EPS8L1: variants seen among roughly 807,000 people sequenced by gnomAD.
The protein encoded by EPS8L1 is epidermal growth factor receptor kinase substrate 8-like protein 1.
In EPS8L1, 101 loss-of-function variants were observed where a neutral mutation model predicts 91.7. The observed-to-expected ratio is 1.10, with a 90% CI of 0.94 to 1.30. The LOEUF (loss-of-function observed/expected upper bound fraction) is 1.30, where lower values mean the gene tolerates loss of function less well. EPS8L1 is among the 50% of genes most tolerant of loss of function. The pLI, the probability that EPS8L1 is intolerant of heterozygous loss-of-function variation, is 0.00. For synonymous variants in EPS8L1, 506 were observed against 445.3 expected, an observed-to-expected ratio of 1.14 and a Z score of -1.72; for missense variants, 1,114 against 1,017.0, an observed-to-expected ratio of 1.10 and a Z score of -1.30.
chr19:55,077,867 G>A (rs887802896), intron 2 of EPS8L1, among the ~76,000 whole-genome samples: 8 of 150,514 alleles, frequency 5.3e-5, no homozygotes, highest in Admixed American at 2.0e-4. Flanking sequence ...GATTACAGGC[G>A]TGAGCCACCG....
chr19:55,086,515 A>G lies in EPS8L1; in HGVS notation c.1774A>G (p.Lys592Glu). The G allele has an allele frequency of 6.4e-7, 1 of 1,551,086 alleles. No individual in the cohort carries two copies. Among genetic ancestry groups the G allele is most frequent in the South Asian group, 1.2e-5 (1 of 84,024 alleles). Residue 592 changes from lysine (K) to glutamate (E), a missense_variant, in exon 17 of 20, where the codon AAG becomes GAG. Coordinates refer to ENST00000201647, the MANE Select transcript of EPS8L1 (RefSeq NM_133180.3). ...DSLNGLDPSE[K>E]EKFSQMLIVN... Reference sequence around the variant, plus strand: ...CCTCAACGGCTTGGACCCCAGCGAGAAGGGTGAGTGGTGGGGACGCCGGCT... The same window carrying G: ...CCTCAACGGCTTGGACCCCAGCGAGGAGGGTGAGTGGTGGGGACGCCGGCT...
rs765855292 is a variant in EPS8L1, at chr19:55,080,796, CA to C, written c.455del (p.Gln152ArgfsTer48). 2.7e-5 allele frequency: 44 copies of C among 1,611,574 alleles called. No individual in the cohort carries two copies. The highest frequency in any genetic ancestry group is 3.4e-5 in the Non-Finnish European group (40 of 1,179,110). On this transcript the variant is annotated frameshift_variant, in exon 7 of 20. Coordinates refer to ENST00000201647, the MANE Select transcript of EPS8L1 (RefSeq NM_133180.3). LOFTEE classifies it high-confidence loss of function. ...GGCGGAGCTGATCCGAGAGGACATC[CA>C]GGGGGCTCTGCACAATTACCGCTCG... is the stretch of plus-strand genomic sequence containing the variant. ...LGAELIREDI[Q>X]GALHNYRSGR... is the part of the protein sequence containing the mutation.
intron 6 of EPS8L1, 133 bp from the exon 7 acceptor site, chr19:55,080,639 C>T: frequency 6.4e-7 from 1 of 1,559,562 alleles, no homozygotes; most frequent in African/African-American, 1.4e-5. Context: ...GGGGCGTGGA[C>T]GTGCGTGGGT....
In EPS8L1 at chr19:55,087,688, G is replaced by T. The variant is rs952750973; in HGVS notation, c.*74G>T. ...GACTCCTCAGACTCTCCCCAATAGC[G>T]GAAGTCGATCTTCTGAAGGATGGCC... On this transcript the variant is annotated 3_prime_UTR_variant, in exon 20 of 20. Coordinates refer to ENST00000201647, the MANE Select transcript of EPS8L1 (RefSeq NM_133180.3). The T allele has an allele frequency of 2.7e-5, 40 of 1,494,284 alleles. No homozygotes were observed. Among genetic ancestry groups the T allele is most frequent in the Non-Finnish European group, 3.7e-5 (40 of 1,083,334 alleles). The allele number at this position is 1,494,284 out of a possible 1,614,324, so 92.6% of individuals were successfully genotyped here.
At chr19:55,080,307 G>A (rs755631732) in intron 6 of EPS8L1, 29 bp downstream of exon 6, 68 of 1,537,654 alleles carry the variant, frequency 4.4e-5, no homozygotes, top group Non-Finnish European at 5.5e-5. Context: ...TCTGGGGGTG[G>A]AGCTGGAACT....
intron 12 of EPS8L1, 21 bp downstream of exon 12, chr19:55,082,623 G>T: frequency 1.3e-6 from 2 of 1,546,412 alleles, no homozygotes; most frequent in Non-Finnish European, 1.7e-6. Flanking sequence ...GGGCTGGGAG[G>T]CAGGGGGCAT....
rs780850948 is a variant in EPS8L1, at chr19:55,087,330, C to T, written c.1980C>T (p.Thr660=). The change falls in exon 19 of 20, where the codon ACC becomes ACT. Residue 660 remains threonine (T), a synonymous_variant. Transcript: ENST00000201647. ...SGTVDALGVL[T]GAQLFSLQKE... ...CCGTGGACGCGCTGGGTGTGCTGAC[C>T]GGGGCGCAGCTTTTCTCGCTGCAGA... is the stretch of plus-strand genomic sequence containing the variant. The T allele has an allele frequency of 1.6e-5, 25 of 1,611,032 alleles. No individual in the cohort carries two copies. The highest frequency in any genetic ancestry group is 4.0e-5 in the African/African-American group (3 of 74,860).
Position 55,079,790 on chromosome 19 carries a change from C to T in EPS8L1, c.218C>T (p.Ala73Val), listed in dbSNP as rs141351977. The change falls in exon 5 of 20, where the codon GCA becomes GTA. Residue 73 changes from alanine to valine, a missense_variant. Ala to Val is a moderately conservative substitution (Grantham distance 64, BLOSUM62 0). Coordinates refer to ENST00000201647, the MANE Select transcript of EPS8L1 (RefSeq NM_133180.3). ...AVMDSQGRVWAQEMLLRVSPD... is the reference protein window; with the variant it reads ...AVMDSQGRVWVQEMLLRVSPD... Reference sequence around the variant, plus strand: ...ATGGATAGCCAGGGCCGAGTCTGGGCACAGGAGATGCTGCTGCGAGTGTCT... The same window carrying T: ...ATGGATAGCCAGGGCCGAGTCTGGGTACAGGAGATGCTGCTGCGAGTGTCT... 154 of 1,614,108 alleles carry T rather than the reference C, an allele frequency of 9.5e-5. No individual in the cohort carries two copies. The highest frequency in any genetic ancestry group is 9.5e-4 in the African/African-American group (71 of 75,044).
In EPS8L1 at chr19:55,081,842, G is replaced by A; in HGVS notation, c.844G>A (p.Ala282Thr). ...GAGGCTGCAGAAGTCGGCGGAGGCG[G>A]CCAGGGTGCTGGAGCACCGGGAACG... ...VSRLQKSAEA[A>T]RVLEHRERGR... The change falls in exon 9 of 20, where the codon GCC (alanine) becomes ACC (threonine). Residue 282 changes from alanine to threonine, a missense_variant. Ala to Thr is a moderately conservative substitution (Grantham distance 58). Transcript: ENST00000201647. The surrounding 1 kb of genome is among the most constrained non-coding windows in gnomAD (Gnocchi z 4.9). 2 of 1,612,372 alleles carry A rather than the reference G, an allele frequency of 1.2e-6. No homozygotes were observed. The highest frequency in any genetic ancestry group is 1.1e-5 in the South Asian group (1 of 91,034).
At chr19:55,076,952 A>G (rs2076145246) in intron 2 of EPS8L1, among the ~76,000 whole-genome samples, 1 of 152,214 alleles carries the variant, frequency 6.6e-6, no homozygotes, top group Non-Finnish European at 1.5e-5. Context: ...GAGAAAAACA[A>G]TGAGAGATGA....
chr19:55,083,559 C>CG lies in EPS8L1; in HGVS notation c.1356+45dup. On this transcript the variant is annotated intron_variant, in intron 13 of 19. Transcript: ENST00000201647. This position sits in a 1 kb window ranked among gnomAD's most constrained non-coding sequence, Gnocchi z 4.7. ...ACAGCAGGGCCGAGGCTGGGAAGTC[C>CG]GGGGGCGCGGCCGGTCCGCCTGGCC... 3 of 1,597,484 alleles carry CG rather than the reference C, an allele frequency of 1.9e-6. No individual in the cohort carries two copies. The highest frequency in any genetic ancestry group is 2.6e-6 in the Non-Finnish European group (3 of 1,172,198).
rs746078283 is a variant in EPS8L1, at chr19:55,086,203, G to A, written c.1650+11G>A. ...CCTGCCCGCAGCCTGGTGAGCCAGCGCAGACGCTGGGATCTTGAGGGTGGA... is the reference window on the plus strand; with the variant it reads ...CCTGCCCGCAGCCTGGTGAGCCAGCACAGACGCTGGGATCTTGAGGGTGGA... On this transcript the variant is annotated intron_variant, in intron 16 of 19. Coordinates refer to ENST00000201647, the MANE Select transcript of EPS8L1 (RefSeq NM_133180.3). The A allele has an allele frequency of 1.3e-4, 200 of 1,592,300 alleles. No homozygotes were observed. Among genetic ancestry groups the A allele is most frequent in the Non-Finnish European group, 1.4e-4 (168 of 1,168,908 alleles).
intron 14 of EPS8L1, among the ~76,000 whole-genome samples, chr19:55,084,986 A>G (rs1320875427): frequency 6.6e-6 from 1 of 151,972 alleles, no homozygotes; most frequent in African/African-American, 2.4e-5. Context: ...TGACCTTTAC[A>G]TCCCTGTGCC....
At chr19:55,087,094 A>T in intron 18 of EPS8L1, 1 of 1,059,826 alleles carries the variant, frequency 9.4e-7, no homozygotes, top group South Asian at 1.7e-5. Flanking sequence ...TCCTTAGGGA[A>T]ATCCCGTACC....
rs1276163326 is a variant in EPS8L1 at position 55,078,846 on chromosome 19, TGG to T, written c.59-149_59-148del. ...CTCCTGGGTTTGAGGGAGGAGGGGC[TGG>T]GGGCCTGGACTCCTGGGTCAGAGGG... On this transcript the variant is annotated intron_variant, in intron 3 of 19. Coordinates refer to ENST00000201647, the MANE Select transcript of EPS8L1 (RefSeq NM_133180.3). Among the ~76,000 whole-genome samples the T allele has an allele frequency of 4.4e-5, 2 of 45,234 alleles. 1 individual carries two copies. Among genetic ancestry groups the T allele is most frequent in the East Asian group, 1.3e-3 (2 of 1,484 alleles). The allele number at this position is 45,234 out of a possible 152,430, so 29.7% of individuals were successfully genotyped here.
rs1720318440 is a variant in EPS8L1 at position 55,087,749 on chromosome 19, G to T, written c.*135G>T. ...GGCCCTGGTCTTCCCCCATCCCGGT[G>T]GACAGACTTAACGATCCTTGCTGCA... On this transcript the variant is annotated 3_prime_UTR_variant, in exon 20 of 20. Coordinates refer to ENST00000201647, the MANE Select transcript of EPS8L1 (RefSeq NM_133180.3). The T allele has an allele frequency of 2.2e-6, 2 of 908,900 alleles. No homozygotes were observed. The highest frequency in any genetic ancestry group is 3.5e-6 in the Non-Finnish European group (2 of 575,898). The allele number at this position is 908,900 out of a possible 1,614,324, so 56.3% of individuals were successfully genotyped here.
In EPS8L1 at chr19:55,087,307, G is replaced by C. The variant is rs759944712; in HGVS notation, c.1957G>C (p.Val653Leu). 2.5e-6 allele frequency: 4 copies of C among 1,605,034 alleles called. No individual in the cohort carries two copies. The highest frequency in any genetic ancestry group is 2.2e-5 in the South Asian group (2 of 90,020). Residue 653 changes from valine to leucine, a missense_variant, in exon 19 of 20, where the codon GTG (valine) becomes CTG (leucine). By Grantham distance (32) the Val-to-Leu change is conservative. Transcript: ENST00000201647. ...LQAKGFSSGT[V>L]DALGVLTGAQ... Reference sequence around the variant, plus strand: ...GCCCGGGCTGCCCTCGCTCAGGACCGTGGACGCGCTGGGTGTGCTGACCGG... The same window carrying C: ...GCCCGGGCTGCCCTCGCTCAGGACCCTGGACGCGCTGGGTGTGCTGACCGG...
rs1465830344 is a variant in EPS8L1 at position 55,083,956 on chromosome 19, G to A, written c.1385+312G>A. 3 of 592,490 alleles carry A rather than the reference G, an allele frequency of 5.1e-6. No homozygotes were observed. The highest frequency in any genetic ancestry group is 1.9e-5 in the African/African-American group (1 of 53,678). 36.7% of individuals were successfully genotyped at this position (592,490 alleles called of 1,614,324 possible). A position where few individuals can be genotyped will look rare whatever the true frequency, so the allele number is the denominator to read the frequency against. On this transcript the variant is annotated intron_variant, in intron 14 of 19. Coordinates refer to ENST00000201647, the MANE Select transcript of EPS8L1 (RefSeq NM_133180.3). The surrounding 1 kb of genome is among the most constrained non-coding windows in gnomAD (Gnocchi z 4.7). ...TGGATCCCTGGATCCCCAAAAGGCT[G>A]GAAGAAGCCAGTTTGTTTTCCCAGG...
At chr19:55,087,490 G>A in intron 19 of EPS8L1, 38 bp from the exon 20 acceptor site, 2 of 1,614,160 alleles carry the variant, frequency 1.2e-6, no homozygotes, top group Non-Finnish European at 1.7e-6. Context: ...ACGAGGGCTC[G>A]GACGCCAGGA....
Sources: gnomAD v4.1 joint callset for allele counts (sites outside exome capture counted in the v4.1 genomes callset) on GRCh38, gnomAD v4.1.1 for gene constraint, Gnocchi (gnomAD v3.1) non-coding constraint, MANE v1.5 for transcripts, NCBI Gene and HGNC (gene_info 2026-07-23, HGNC 2026-07-21) for gene names.